The following MITF variants were observed in gnomAD, a reference collection of about 807,000 sequenced individuals.
MITF encodes melanocyte inducing transcription factor, also known as microphthalmia-associated transcription factor.
Under a neutral mutation model 60.5 loss-of-function variants are expected in MITF, and 17 were observed. The observed-to-expected ratio is 0.28, with a 90% CI of 0.19 to 0.42. MITF has a LOEUF of 0.42. Among genes scored for constraint, MITF ranks in the 10% least tolerant of loss-of-function variants. The probability of loss-of-function intolerance (pLI) is 1.00; values close to 1 mark genes in which losing one functional copy is unlikely to be tolerated. For missense variants in MITF, 622 were observed against 683.5 expected (o/e 0.91, Z 1.00); for synonymous variants, 260 against 248.5 (o/e 1.05, Z -0.43).
chr3:69,960,509 C>T (rs1051470802), intron 9 of MITF, among the ~76,000 whole-genome samples: 1 of 152,098 alleles, frequency 6.6e-6, no homozygotes, highest in African/African-American at 2.4e-5. Context: ...AAATGATCCT[C>T]AAAAACAGAC....
intron 1 of MITF, among the ~76,000 whole-genome samples, chr3:69,861,761 A>G (rs973558328): frequency 6.6e-6 from 1 of 152,128 alleles, no homozygotes; most frequent in Non-Finnish European, 1.5e-5. Context: ...AAATGTTTGG[A>G]TTGAAGGGCC....
intron 1 of MITF, among the ~76,000 whole-genome samples, chr3:69,824,452 T>C (rs2063324168): frequency 1.3e-5 from 2 of 152,222 alleles, no homozygotes; most frequent in African/African-American, 4.8e-5. Context: ...ATTCACCCTT[T>C]ATTGTCTGCT....
chr3:69,779,045 A>G (rs1416319952), intron 1 of MITF: 1 of 152,224 alleles, frequency 6.6e-6, no homozygotes, highest in Non-Finnish European at 1.5e-5. Flanking sequence ...TTTTGAAGGT[A>G]ACATTATTCG....
At chr3:69,796,490 CTTTCTTT>C (rs2062829781) in intron 1 of MITF, among the ~76,000 whole-genome samples, 1 of 111,460 alleles carries the variant, frequency 9.0e-6, no homozygotes, top group South Asian at 2.6e-4. Context: ...CAAACACCGT[CTTTCTTT>C]TTTTTTTTTT....
chr3:69,797,668 A>T lies in MITF; in HGVS notation c.104+57967A>T, dbSNP rs1297091453. On this transcript the variant is annotated intron_variant, in intron 1 of 9. Coordinates refer to ENST00000352241, the MANE Select transcript of MITF (RefSeq NM_001354604.2). Reference sequence around the variant, plus strand: ...TTTCAGTCTTGATTTTAAAATGCTGACACTTTCACTGTACATTTTGTGAAG... The same window carrying T: ...TTTCAGTCTTGATTTTAAAATGCTGTCACTTTCACTGTACATTTTGTGAAG... Among the ~76,000 whole-genome samples, 3 of 152,252 alleles carry T rather than the reference A, an allele frequency of 2.0e-5. No homozygotes were observed. In the South Asian group the frequency reaches 6.2e-4, roughly 32 times the overall value.
chr3:69,778,539 A>C (rs1056004263), intron 1 of MITF, among the ~76,000 whole-genome samples: 2 of 152,058 alleles, frequency 1.3e-5, no homozygotes, highest in Non-Finnish European at 2.9e-5. Flanking sequence ...ATTTGTCTTG[A>C]CTTTTTTCTA....
At chr3:69,756,420 G>T (rs1704149971) in intron 1 of MITF, among the ~76,000 whole-genome samples, 1 of 152,050 alleles carries the variant, frequency 6.6e-6, no homozygotes, top group Non-Finnish European at 1.5e-5. Flanking sequence ...TGCTGGGAAT[G>T]ATGGTTTCCA....
intron 2 of MITF, among the ~76,000 whole-genome samples, chr3:69,912,762 T>G (rs77287163): frequency 0.016 from 2,374 of 152,262 alleles, 28 homozygotes; most frequent in Middle Eastern, 0.051. Context: ...AGAATTGCTT[T>G]TTGCAAGGAA....
At chr3:69,900,093 A>G (rs2064963350) in intron 2 of MITF, among the ~76,000 whole-genome samples, 1 of 152,066 alleles carries the variant, frequency 6.6e-6, no homozygotes, top group Non-Finnish European at 1.5e-5. Flanking sequence ...GGAGGACTTG[A>G]TTTCTGCCGA....
At chr3:69,787,678 T>C (rs1265973226) in intron 1 of MITF, among the ~76,000 whole-genome samples, 1 of 152,132 alleles carries the variant, frequency 6.6e-6, no homozygotes, top group African/African-American at 2.4e-5. Flanking sequence ...ACCCTCACTT[T>C]TTTTCTTTTT....
At chr3:69,839,751 T>TAA (rs547331743) in intron 1 of MITF, among the ~76,000 whole-genome samples, 1 of 144,784 alleles carries the variant, frequency 6.9e-6, no homozygotes, top group Non-Finnish European at 1.5e-5. Flanking sequence ...AACCGATATT[T>TAA]AAAAAAAAAA....
chr3:69,947,648 C>A (rs776681418), intron 5 of MITF, among the ~76,000 whole-genome samples: 1 of 152,092 alleles, frequency 6.6e-6, no homozygotes, highest in South Asian at 2.1e-4. Flanking sequence ...ATACTATAAA[C>A]GCTGCTTTCA....
chr3:69,895,431 GC>G (rs2107331443), intron 2 of MITF, among the ~76,000 whole-genome samples: 1 of 152,260 alleles, frequency 6.6e-6, no homozygotes. Context: ...AAGGTCTTTT[GC>G]GTAGAGATTG....
rs117615581 is a variant in MITF, at chr3:69,941,362, C to T, written c.762+31C>T. 7.8e-4 allele frequency: 1,098 copies of T among 1,414,530 alleles called. 14 individuals carry two copies. The East Asian group carries it at 0.023, about 29-fold the overall frequency. 87.6% of individuals were successfully genotyped at this position (1,414,530 alleles called of 1,614,324 possible). ...GATAACCTTTTTTTAAGTAGAAAAT[C>T]TTGAGGTGTTTCCAGGGTTCTTTTC... On this transcript the variant is annotated intron_variant, in intron 5 of 9. Transcript: ENST00000352241.
At chr3:69,932,609 T>A (rs1409711459) in intron 2 of MITF, among the ~76,000 whole-genome samples, 1 of 152,210 alleles carries the variant, frequency 6.6e-6, no homozygotes, top group Non-Finnish European at 1.5e-5. Flanking sequence ...ATTCATACCC[T>A]TGTTGTTTTT....
chr3:69,760,130 C>A (rs1302531960), intron 1 of MITF, among the ~76,000 whole-genome samples: 2 of 152,184 alleles, frequency 1.3e-5, no homozygotes, highest in Non-Finnish European at 2.9e-5. Flanking sequence ...CCCATCACTT[C>A]CAGATCTTTA....
chr3:69,937,767 T>C, intron 2 of MITF, 55 bp from the exon 3 acceptor site: 1 of 1,472,584 alleles, frequency 6.8e-7, no homozygotes, highest in Non-Finnish European at 9.5e-7. Flanking sequence ...GGAAGAGCCG[T>C]CTGAAACTCA....
intron 1 of MITF, among the ~76,000 whole-genome samples, chr3:69,835,789 T>A (rs1180811697): frequency 1.3e-5 from 2 of 152,154 alleles, no homozygotes; most frequent in African/African-American, 4.8e-5. Context: ...TGGCTGTAGG[T>A]GTGCTAATTT....
intron 1 of MITF, among the ~76,000 whole-genome samples, chr3:69,768,536 A>G (rs1485791143): frequency 2.0e-5 from 3 of 152,210 alleles, no homozygotes; most frequent in Non-Finnish European, 4.4e-5. Context: ...CCAAGAAGAA[A>G]AGTCTTCCAT....
Sources: gnomAD v4.1 joint callset for allele counts (sites outside exome capture counted in the v4.1 genomes callset) on GRCh38, gnomAD v4.1.1 for gene constraint, MANE v1.5 for transcripts, NCBI Gene and HGNC (gene_info 2026-07-23, HGNC 2026-07-21) for gene names.